Variants in FGD4 observed in about 807,000 individuals in gnomAD.
FGD4 encodes FYVE, RhoGEF and PH domain-containing protein 4.
FGD4 carries 42 observed loss-of-function variants against 102.0 expected under a neutral mutation model. That is an observed-to-expected ratio of 0.41 (90% CI 0.32 to 0.53). FGD4 has a LOEUF of 0.53. FGD4 is among the 20% of genes least tolerant of loss of function. The probability of loss-of-function intolerance (pLI) is 0.21; values close to 1 mark genes in which losing one functional copy is unlikely to be tolerated. For synonymous variants in FGD4, 380 were observed against 375.7 expected (o/e 1.01, Z -0.13); for missense variants, 902 against 1,078.2 (o/e 0.84, Z 2.29).
intron 4 of FGD4, among the ~76,000 whole-genome samples, chr12:32,589,442 G>A (rs1947300831): frequency 6.6e-6 from 1 of 152,150 alleles, no homozygotes; most frequent in South Asian, 2.1e-4. Context: ...TGTATACAAG[G>A]TTCTGACTTA....
chr12:32,427,204 T>C (rs1941868921), intron 1 of FGD4, among the ~76,000 whole-genome samples: 1 of 152,220 alleles, frequency 6.6e-6, no homozygotes, highest in Non-Finnish European at 1.5e-5. Flanking sequence ...AGGCATTTAA[T>C]GCTATGAATT....
chr12:32,536,016 A>G (rs1442647812), intron 1 of FGD4, among the ~76,000 whole-genome samples: 1 of 152,168 alleles, frequency 6.6e-6, no homozygotes, highest in African/African-American at 2.4e-5. Flanking sequence ...ACTACTGGAT[A>G]ATTTTGTTAA....
chr12:32,557,799 T>A lies in FGD4; in HGVS notation c.167-6338T>A, dbSNP rs188375042. 3.2e-3 allele frequency among the ~76,000 whole-genome samples: 491 copies of A among 152,260 alleles called. 1 individual carries two copies. The highest frequency in any genetic ancestry group is 5.4e-3 in the Non-Finnish European group (370 of 67,998). On this transcript the variant is annotated intron_variant, in intron 1 of 16. Coordinates refer to ENST00000534526, the MANE Select transcript of FGD4 (RefSeq NM_001370298.3). ...TTTTATAACCTTAATGTCTTTTTTT[T>A]AAAAAAGGCAATTGATCTCTTAATC...
intron 4 of FGD4, among the ~76,000 whole-genome samples, chr12:32,583,632 C>CT (rs1201266718): frequency 5.3e-5 from 8 of 152,162 alleles, no homozygotes; most frequent in African/African-American, 1.9e-4. Flanking sequence ...GATGAACTGC[C>CT]TGGATGGGGT....
At chr12:32,547,077 C>G (rs1056223956) in intron 1 of FGD4, among the ~76,000 whole-genome samples, 48 of 152,218 alleles carry the variant, frequency 3.2e-4, no homozygotes, top group African/African-American at 1.1e-3. Context: ...TCAGTGAAAG[C>G]CAAAGAATCA....
chr12:32,534,313 A>G (rs1255410028), intron 1 of FGD4: 8 of 1,357,000 alleles, frequency 5.9e-6, no homozygotes, highest in Non-Finnish European at 6.6e-6. Flanking sequence ...CGAAGAATGC[A>G]CTGAAGTCAT....
At chr12:32,572,980 G>T (rs574479687) in intron 2 of FGD4, among the ~76,000 whole-genome samples, 19 of 152,316 alleles carry the variant, frequency 1.2e-4, no homozygotes, top group African/African-American at 4.3e-4. Context: ...GCCATGAAGA[G>T]AAATTTAGTC....
chr12:32,546,039 T>C (rs1433147931), intron 1 of FGD4, among the ~76,000 whole-genome samples: 1 of 152,222 alleles, frequency 6.6e-6, no homozygotes, highest in Non-Finnish European at 1.5e-5. Context: ...ACTGTCTTTA[T>C]TTTTGTGAAT....
At position 32,640,590 on chromosome 12, in the gene FGD4, C is replaced by T; in HGVS notation, c.*57C>T. The stretch of plus-strand genomic sequence containing the variant: ...CTCAGGACTTACAGCTCAAGACATT[C>T]CCAGCTCTTCTTACACATCTGCTAG... On this transcript the variant is annotated 3_prime_UTR_variant, in exon 17 of 17. Transcript: ENST00000534526. 6.2e-7 allele frequency: 1 copy of T among 1,610,620 alleles called. No homozygotes were observed.
Position 32,586,990 on chromosome 12 carries a change from A to G in FGD4, c.1011+4523A>G, listed in dbSNP as rs540211667. Among the ~76,000 whole-genome samples, 28 of 152,226 alleles carry G rather than the reference A, an allele frequency of 1.8e-4. No homozygotes were observed. In the South Asian group the frequency reaches 3.1e-3, roughly 17 times the overall value. ...GGGATCACCTGAGGTCAGGAGTTCG[A>G]GACCAGCCTGGCCAGTATGGTGAAA... is the stretch of plus-strand genomic sequence containing the variant. On this transcript the variant is annotated intron_variant, in intron 4 of 16. Transcript: ENST00000534526.
chr12:32,491,948 A>T (rs996222067), intron 1 of FGD4, among the ~76,000 whole-genome samples: 4 of 152,220 alleles, frequency 2.6e-5, no homozygotes, highest in African/African-American at 9.6e-5. Flanking sequence ...AAATTATAGC[A>T]TCCCAATTGC....
At chr12:32,620,513 T>C (rs1949743697) in intron 11 of FGD4, among the ~76,000 whole-genome samples, 1 of 124,394 alleles carries the variant, frequency 8.0e-6, no homozygotes, top group Non-Finnish European at 1.7e-5. Context: ...AACCATTTTT[T>C]TTCTTTCTTT....
intron 1 of FGD4, among the ~76,000 whole-genome samples, chr12:32,410,638 A>G (rs1941166989): frequency 6.6e-6 from 1 of 152,172 alleles, no homozygotes; most frequent in East Asian, 1.9e-4. Context: ...CACTTAAGCG[A>G]GAATAGAGTG....
At chr12:32,628,746 A>G (rs1319614428) in intron 14 of FGD4, among the ~76,000 whole-genome samples, 1 of 152,136 alleles carries the variant, frequency 6.6e-6, no homozygotes, top group African/African-American at 2.4e-5. Context: ...AGATTGCGCC[A>G]TTGCACTCCA....
At chr12:32,453,237 A>ATTT (rs60006767) in intron 1 of FGD4, among the ~76,000 whole-genome samples, 12,237 of 90,264 alleles carry the variant, frequency 0.14, 1,033 homozygotes, top group East Asian at 0.2. Context: ...ATATATATAT[A>ATTT]TTTTTTTTTT....
chr12:32,559,773 T>A (rs1329750131), intron 1 of FGD4, among the ~76,000 whole-genome samples: 1 of 152,252 alleles, frequency 6.6e-6, no homozygotes, highest in African/African-American at 2.4e-5. Context: ...AGGTAAGACA[T>A]GTTTTATTTC....
chr12:32,421,136 A>C (rs1941611614), intron 1 of FGD4, among the ~76,000 whole-genome samples: 1 of 152,174 alleles, frequency 6.6e-6, no homozygotes, highest in East Asian at 1.9e-4. Flanking sequence ...CTTAATAATG[A>C]GGGATATTCA....
At chr12:32,501,199 G>T (rs1299920480) in intron 1 of FGD4, among the ~76,000 whole-genome samples, 1 of 152,156 alleles carries the variant, frequency 6.6e-6, no homozygotes, top group Non-Finnish European at 1.5e-5. Context: ...CTACAGGTGC[G>T]CACCACCACA....
At chr12:32,469,724 A>C (rs1288894544) in intron 1 of FGD4, among the ~76,000 whole-genome samples, 1 of 151,752 alleles carries the variant, frequency 6.6e-6, no homozygotes, top group Non-Finnish European at 1.5e-5. Flanking sequence ...CAATGGCATA[A>C]TCTCGACTCA....
Sources: gnomAD v4.1 joint callset for allele counts (sites outside exome capture counted in the v4.1 genomes callset) on GRCh38, gnomAD v4.1.1 for gene constraint, MANE v1.5 for transcripts, NCBI Gene and HGNC (gene_info 2026-07-23, HGNC 2026-07-21) for gene names.